TENM3: variants seen among roughly 807,000 people sequenced by gnomAD.
TENM3 encodes the protein teneurin transmembrane protein 3, also known as teneurin-3.
A neutral mutation model predicts 255.1 loss-of-function variants in TENM3; 63 were observed. The observed-to-expected ratio is 0.25, with a 90% confidence interval of 0.20 to 0.30. The LOEUF (loss-of-function observed/expected upper bound fraction) is 0.30. Ranked by LOEUF, TENM3 falls within the 10% of genes least tolerant of loss-of-function variation. The pLI is 1.00. For missense variants in TENM3, 2,929 were observed against 3,461.1 expected, an observed-to-expected ratio of 0.85 and a Z score of 3.86; for synonymous variants, 1,306 against 1,322.3, an observed-to-expected ratio of 0.99 and a Z score of 0.27.
chr4:181,525,532 C>A, the TENM3 span, among the ~76,000 whole-genome samples: 2 of 152,004 alleles, frequency 1.3e-5, no homozygotes, highest in African/African-American at 4.8e-5. Flanking sequence ...AGGGTTCACT[C>A]GGTAGACCTC....
At chr4:182,649,538 T>G (rs1296195624) in intron 5 of TENM3, among the ~76,000 whole-genome samples, 1 of 150,522 alleles carries the variant, frequency 6.6e-6, no homozygotes, top group Non-Finnish European at 1.5e-5. Context: ...CATGATTAAA[T>G]CTACATGATT....
the TENM3 span, among the ~76,000 whole-genome samples, chr4:181,669,447 G>T: frequency 6.6e-6 from 1 of 152,070 alleles, no homozygotes; most frequent in Admixed American, 6.6e-5. Context: ...TGCCTTTTAA[G>T]GAAATACACA....
rs1358749172 is a variant in TENM3, at chr4:182,542,650, C to CTTCA, written c.512-58273_512-58270dup. Among the ~76,000 whole-genome samples, 6 of 152,232 alleles carry CTTCA rather than the reference C, an allele frequency of 3.9e-5. No individual in the cohort carries two copies. In the South Asian group the frequency reaches 1.2e-3, roughly 32 times the overall value. ...CAAAGGGACAAGCCCTGGGCTTTAT[C>CTTCA]TTCACCCCAGCGTTCCGTGTACTCT... On this transcript the variant is annotated intron_variant, in intron 3 of 27. Coordinates refer to ENST00000511685, the MANE Select transcript of TENM3 (RefSeq NM_001080477.4).
At position 182,729,190 on chromosome 4, in the gene TENM3, T is replaced by C. The variant is rs779282836; in HGVS notation, c.2585+9T>C. The C allele has an allele frequency of 6.9e-6, 11 of 1,594,756 alleles. No homozygotes were observed. Among genetic ancestry groups the C allele is most frequent in the Non-Finnish European group, 9.5e-6 (11 of 1,162,634 alleles). ...AGTCCTTTCAATAAGAGGTTAATGC[T>C]TCTTTTCCATATGTAGATTTGTAAT... On this transcript the variant is annotated intron_variant, in intron 14 of 27. Coordinates refer to ENST00000511685, the MANE Select transcript of TENM3 (RefSeq NM_001080477.4).
the TENM3 span, among the ~76,000 whole-genome samples, chr4:181,636,397 AG>A: frequency 9.7e-4 from 147 of 152,300 alleles, no homozygotes; most frequent in Admixed American, 2.0e-3. Flanking sequence ...CACATTAGAG[AG>A]GGTAATAATC....
upstream of TENM3, chr4:182,141,896 G>A (rs1749459813): frequency 6.6e-6 from 1 of 152,158 alleles, no homozygotes; most frequent in South Asian, 2.1e-4. Context: ...CTTTAGGATT[G>A]GGGCAGTGTC....
intron 13 of TENM3, among the ~76,000 whole-genome samples, chr4:182,726,505 A>T (rs1332232775): frequency 6.6e-6 from 1 of 152,150 alleles, no homozygotes; most frequent in Non-Finnish European, 1.5e-5. Flanking sequence ...AGCCTCACAG[A>T]ACAAGCCTGG....
chr4:181,505,651 T>A, the TENM3 span, among the ~76,000 whole-genome samples: 1 of 152,184 alleles, frequency 6.6e-6, no homozygotes, highest in East Asian at 1.9e-4. Context: ...AAGATGTTTA[T>A]ATTTCTCTAC....
chr4:182,579,354 T>C (rs865926342), intron 3 of TENM3, among the ~76,000 whole-genome samples: 4 of 138,170 alleles, frequency 2.9e-5, no homozygotes, highest in Middle Eastern at 7.2e-3. Flanking sequence ...GGTAGGATAA[T>C]GCAATGGGAA....
chr4:182,079,608 G>A, the TENM3 span: 1 of 152,204 alleles, frequency 6.6e-6, no homozygotes, highest in East Asian at 1.9e-4. Context: ...GAGATGTTTA[G>A]CTGAAATAAG....
chr4:182,583,824 A>G (rs564550769), intron 3 of TENM3, among the ~76,000 whole-genome samples: 36 of 152,336 alleles, frequency 2.4e-4, no homozygotes, highest in African/African-American at 8.2e-4. Context: ...TTCTACAGAT[A>G]TATTTTCCTT....
chr4:181,893,776 T>C, the TENM3 span, among the ~76,000 whole-genome samples: 1 of 152,110 alleles, frequency 6.6e-6, no homozygotes, highest in Non-Finnish European at 1.5e-5. Flanking sequence ...CAGCTTTAGG[T>C]TAAAATGTTT....
At chr4:181,456,131 G>GTGTGTGTGTA in the TENM3 span, among the ~76,000 whole-genome samples, 3 of 143,452 alleles carry the variant, frequency 2.1e-5, no homozygotes, top group Non-Finnish European at 4.6e-5. Context: ...ATATATATGT[G>GTGTGTGTGTA]TGTGTGTGTG....
chr4:182,372,053 T>C (rs1766856048), intron 3 of TENM3, among the ~76,000 whole-genome samples: 1 of 152,254 alleles, frequency 6.6e-6, no homozygotes, highest in Non-Finnish European at 1.5e-5. Context: ...TAAGGTGTTA[T>C]ATAGATAAAT....
chr4:181,899,571 T>C, the TENM3 span, among the ~76,000 whole-genome samples: 3 of 152,204 alleles, frequency 2.0e-5, no homozygotes, highest in Non-Finnish European at 4.4e-5. Flanking sequence ...GTTTTTTGTT[T>C]TTTGGGGTTT....
At chr4:181,645,343 G>GC in the TENM3 span, among the ~76,000 whole-genome samples, 4 of 152,082 alleles carry the variant, frequency 2.6e-5, no homozygotes, top group Admixed American at 2.6e-4. Context: ...TCAGCATGGT[G>GC]CCCCTCTGTG....
chr4:181,937,392 T>A, the TENM3 span, among the ~76,000 whole-genome samples: 1 of 152,210 alleles, frequency 6.6e-6, no homozygotes, highest in Non-Finnish European at 1.5e-5. Context: ...GTACAACTTC[T>A]GCAAGAAGAT....
the TENM3 span, among the ~76,000 whole-genome samples, chr4:181,553,909 TC>T: frequency 6.6e-6 from 1 of 152,026 alleles, no homozygotes. Context: ...TCCTGCTCCA[TC>T]CCCCCGCTCT....
At chr4:181,989,726 G>A in the TENM3 span, among the ~76,000 whole-genome samples, 11 of 152,184 alleles carry the variant, frequency 7.2e-5, no homozygotes, top group Middle Eastern at 3.4e-3. Context: ...ATTACCAATC[G>A]ACTTGGATGC....
Sources: allele counts gnomAD v4.1 joint callset (sites outside exome capture counted in the v4.1 genomes callset), GRCh38; gene constraint gnomAD v4.1.1; transcripts MANE v1.5; gene names NCBI Gene and HGNC (gene_info 2026-07-23, HGNC 2026-07-21).